Variants in CBFA2T2 observed in about 807,000 individuals in gnomAD.
CBFA2T2 encodes the protein CBFA2/RUNX1 partner transcriptional co-repressor 2.
Under a neutral mutation model 62.2 loss-of-function variants are expected in CBFA2T2, and 11 were observed. That is an observed-to-expected ratio of 0.18 (90% CI 0.11 to 0.29). The LOEUF is 0.29. CBFA2T2 is among the 10% of genes least tolerant of loss of function. The pLI, the probability that CBFA2T2 is intolerant of heterozygous loss-of-function variation, is 1.00. For missense variants in CBFA2T2, 592 were observed against 774.1 expected (o/e 0.76, Z 2.79); for synonymous variants, 295 against 287.5 (o/e 1.03, Z -0.27).
At position 33,648,537 on chromosome 20, in the gene CBFA2T2, C is replaced by G. The variant is rs146294958; in HGVS notation, c.*3891C>G. Reference sequence around the variant, plus strand: ...AAGCCTAGGCCTAGGCAGTCCACTTCGGGAGGTGGGGGCACTCCACACTGG... The same window carrying G: ...AAGCCTAGGCCTAGGCAGTCCACTTGGGGAGGTGGGGGCACTCCACACTGG... On this transcript the variant is annotated 3_prime_UTR_variant, in exon 11 of 11. Transcript: ENST00000342704. 21 of 152,308 alleles carry G rather than the reference C, an allele frequency of 1.4e-4. No homozygotes were observed. Among genetic ancestry groups the G allele is most frequent in the African/African-American group, 4.8e-4 (20 of 41,548 alleles). The allele number at this position is 152,308 out of a possible 1,614,324, so 9.4% of individuals were successfully genotyped here. A position where few individuals can be genotyped will look rare whatever the true frequency, so the allele number is the denominator to read the frequency against.
chr20:33,497,933 T>A (rs2011221890), intron 1 of CBFA2T2, among the ~76,000 whole-genome samples: 1 of 152,184 alleles, frequency 6.6e-6, no homozygotes, highest in African/African-American at 2.4e-5. Context: ...TTCTCCTGCC[T>A]TGGACTCCCA....
chr20:33,554,207 A>AAAAGC (rs2012820829), intron 1 of CBFA2T2, among the ~76,000 whole-genome samples: 1 of 152,044 alleles, frequency 6.6e-6, no homozygotes, highest in South Asian at 2.1e-4. Context: ...TATTACAATG[A>AAAAGC]AAAGCAAATT....
At chr20:33,528,713 T>C (rs1022509948) in intron 1 of CBFA2T2, among the ~76,000 whole-genome samples, 5 of 152,002 alleles carry the variant, frequency 3.3e-5, no homozygotes, top group African/African-American at 1.2e-4. Context: ...TGTGTGTGCG[T>C]GTGTGGTGTA....
At chr20:33,542,678 T>C (rs2012437573) in intron 1 of CBFA2T2, among the ~76,000 whole-genome samples, 1 of 152,162 alleles carries the variant, frequency 6.6e-6, no homozygotes, top group African/African-American at 2.4e-5. Flanking sequence ...AAGTCTTTTT[T>C]TGGGGGGTTC....
At chr20:33,541,183 G>T (rs2012401605) in intron 1 of CBFA2T2, among the ~76,000 whole-genome samples, 1 of 152,186 alleles carries the variant, frequency 6.6e-6, no homozygotes, top group Non-Finnish European at 1.5e-5. Flanking sequence ...TTAGGTGATG[G>T]ATTGAAGTCA....
chr20:33,531,959 T>G (rs989098421), intron 1 of CBFA2T2, among the ~76,000 whole-genome samples: 1 of 152,226 alleles, frequency 6.6e-6, no homozygotes, highest in Non-Finnish European at 1.5e-5. Flanking sequence ...CTTTATTTTT[T>G]AACAATTTAT....
chr20:33,526,450 T>A (rs189859905), intron 1 of CBFA2T2, among the ~76,000 whole-genome samples: 108 of 152,302 alleles, frequency 7.1e-4, no homozygotes, highest in Admixed American at 1.8e-3. Flanking sequence ...AAAAATAATC[T>A]ATTATACCAC....
At chr20:33,613,246 A>G (rs1417974891) in intron 3 of CBFA2T2, among the ~76,000 whole-genome samples, 1 of 152,226 alleles carries the variant, frequency 6.6e-6, no homozygotes, top group Non-Finnish European at 1.5e-5. Context: ...ACCACAATTT[A>G]TACCTTTGGG....
intron 1 of CBFA2T2, among the ~76,000 whole-genome samples, chr20:33,598,166 G>A (rs2014968481): frequency 6.6e-6 from 1 of 152,196 alleles, no homozygotes; most frequent in Non-Finnish European, 1.5e-5. Context: ...TAAAATTGCT[G>A]ATGAAGTTAG....
chr20:33,558,136 C>CTT lies in CBFA2T2; in HGVS notation c.35-48806_35-48805dup, dbSNP rs56771085. Among the ~76,000 whole-genome samples, 152 of 141,822 alleles carry CTT rather than the reference C, an allele frequency of 1.1e-3. No individual in the cohort carries two copies. In the South Asian group the frequency reaches 0.012, roughly 11 times the overall value. The allele number at this position is 141,822 out of a possible 152,430, so 93.0% of individuals were successfully genotyped here. On this transcript the variant is annotated intron_variant, in intron 1 of 10. Transcript: ENST00000342704. ...GCCACTGCGCCTGGGCGCGCTCTCTCTTTTTTTTTTTTTTTGAGACTCTGT... is the reference window on the plus strand; with the variant it reads ...GCCACTGCGCCTGGGCGCGCTCTCTCTTTTTTTTTTTTTTTTTGAGACTCTGT...
chr20:33,583,919 T>C (rs1045903509), intron 1 of CBFA2T2, among the ~76,000 whole-genome samples: 5 of 151,816 alleles, frequency 3.3e-5, no homozygotes, highest in African/African-American at 4.8e-5. Context: ...ATTTTATTTA[T>C]TTATTTATTT....
At chr20:33,535,602 ATTTTTATT>A (rs966973464) in intron 1 of CBFA2T2, among the ~76,000 whole-genome samples, 9 of 138,508 alleles carry the variant, frequency 6.5e-5, no homozygotes, top group Non-Finnish European at 1.2e-4. Context: ...ATTGAGTTTT[ATTTTTATT>A]TTTTTATTTT....
chr20:33,501,177 C>A (rs6057863), intron 1 of CBFA2T2, among the ~76,000 whole-genome samples: 133,837 of 152,206 alleles, frequency 0.88, 60,812 homozygotes, highest in Non-Finnish European at 1. Context: ...ACCTTTCAGT[C>A]AAATTAGCTG....
chr20:33,503,640 CT>C (rs906780496), intron 1 of CBFA2T2, among the ~76,000 whole-genome samples: 5 of 151,954 alleles, frequency 3.3e-5, no homozygotes, highest in African/African-American at 1.2e-4. Context: ...ATTTATTTAT[CT>C]TTTTTTCTTG....
In CBFA2T2 at chr20:33,623,288, T is replaced by C; in HGVS notation, c.684T>C (p.Ser228=). 1 of 1,614,212 alleles carries C rather than the reference T, an allele frequency of 6.2e-7. No individual in the cohort carries two copies. Among genetic ancestry groups the C allele is most frequent in the South Asian group, 1.1e-5 (1 of 91,084 alleles). Reference sequence around the variant, plus strand: ...TGCACGGAAATGGGAAGAGGCCCAGTCCAGAGAGGTGAGCAGATGAGCTTT... The same window carrying C: ...TGCACGGAAATGGGAAGAGGCCCAGCCCAGAGAGGTGAGCAGATGAGCTTT... ...MEVHGNGKRP[S]PERREENSFD... The change falls in exon 5 of 11, where the codon AGT becomes AGC. Residue 228 remains serine (S), a synonymous_variant. Coordinates refer to ENST00000342704, the MANE Select transcript of CBFA2T2 (RefSeq NM_001032999.3).
rs1243159192 is a variant in CBFA2T2, at chr20:33,520,120, G to T, written c.34+29819G>T. On this transcript the variant is annotated intron_variant, in intron 1 of 10. Coordinates refer to ENST00000342704, the MANE Select transcript of CBFA2T2 (RefSeq NM_001032999.3). ...AGATCACGCCATTGCACTGGAGCCT[G>T]GGCAACAGAGCAAAATTCCGTCTCA... Among the ~76,000 whole-genome samples the T allele has an allele frequency of 2.6e-5, 4 of 152,204 alleles. No homozygotes were observed. In the South Asian group the frequency reaches 8.3e-4, roughly 32 times the overall value.
At chr20:33,491,113 TG>T (rs1296292356) in intron 1 of CBFA2T2, among the ~76,000 whole-genome samples, 2 of 152,178 alleles carry the variant, frequency 1.3e-5, no homozygotes, top group Non-Finnish European at 2.9e-5. Context: ...GTGAGATCCT[TG>T]GGGGAGGGGT....
intron 10 of CBFA2T2, among the ~76,000 whole-genome samples, chr20:33,642,132 G>T (rs1027798378): frequency 2.1e-5 from 3 of 146,044 alleles, no homozygotes; most frequent in African/African-American, 7.5e-5. Flanking sequence ...GTGTGTGTGT[G>T]TGTGTGTGTG....
At chr20:33,544,242 A>G (rs951966998) in intron 1 of CBFA2T2, among the ~76,000 whole-genome samples, 4 of 152,026 alleles carry the variant, frequency 2.6e-5, no homozygotes, top group African/African-American at 9.7e-5. Flanking sequence ...ATATCCTACT[A>G]CTTTTCAGCT....
Sources: gnomAD v4.1 joint callset for allele counts (sites outside exome capture counted in the v4.1 genomes callset) on GRCh38, gnomAD v4.1.1 for gene constraint, MANE v1.5 for transcripts, NCBI Gene and HGNC (gene_info 2026-07-23, HGNC 2026-07-21) for gene names.